The following MBNL3 variants were observed in gnomAD, a reference collection of about 807,000 sequenced individuals.
MBNL3 encodes muscleblind-like protein 3.
In MBNL3, 6 loss-of-function variants were observed where a neutral mutation model predicts 24.5. The observed-to-expected ratio is 0.25, with a 90% CI of 0.13 to 0.48. MBNL3 has a LOEUF of 0.48. Among genes scored for constraint, MBNL3 ranks in the 20% least tolerant of loss-of-function variants. The probability of loss-of-function intolerance (pLI) is 0.99; values close to 1 mark genes in which losing one functional copy is unlikely to be tolerated. For missense variants in MBNL3, 230 were observed against 293.5 expected (o/e 0.78, Z 1.58); for synonymous variants, 100 against 101.7 (o/e 0.98, Z 0.10).
chrX:132,410,224 G>T (rs1235576015), intron 2 of MBNL3, among the ~76,000 whole-genome samples: 1 of 112,055 alleles, frequency 8.9e-6, no homozygotes, highest in Admixed American at 9.4e-5. Context: ...AACTAAGAGA[G>T]AAAAGTCTCA....
chrX:132,454,248 TACAC>T (rs757255246), intron 1 of MBNL3, among the ~76,000 whole-genome samples: 61 of 107,998 alleles, frequency 5.6e-4, no homozygotes, highest in African/African-American at 2.0e-3. Flanking sequence ...CACACACACA[TACAC>T]ACACACACAC....
chrX:132,379,692 A>AAAAG lies in MBNL3; in HGVS notation c.1054-19_1054-16dup, dbSNP rs771416099. 5.2e-6 allele frequency: 6 copies of AAAAG among 1,145,384 alleles called. No individual in the cohort carries two copies. The highest frequency in any genetic ancestry group is 3.7e-5 in the South Asian group (2 of 54,264). The allele number at this position is 1,145,384 out of a possible 1,213,427, so 94.4% of individuals were successfully genotyped here. A position where few individuals can be genotyped will look rare whatever the true frequency, so the allele number is the denominator to read the frequency against. On this transcript the variant is annotated splice_polypyrimidine_tract_variant and intron_variant, in intron 8 of 8. Transcript: ENST00000370853. ...CAGAATTTCAGCTGAAATGGAAAAA[A>AAAAG]AAAGAAAGAAAGAAAGAGTGAGAAA...
chrX:132,405,880 CAAAAA>C (rs58288015), intron 3 of MBNL3, among the ~76,000 whole-genome samples: 4,944 of 32,614 alleles, frequency 0.15, 127 homozygotes, highest in African/African-American at 0.25. Flanking sequence ...TCTGTCTCAC[CAAAAA>C]AAAAAAAAAA....
chrX:132,421,663 A>C, intron 2 of MBNL3, among the ~76,000 whole-genome samples: 1 of 112,155 alleles, frequency 8.9e-6, no homozygotes, highest in Middle Eastern at 4.6e-3. Context: ...TACCATCACA[A>C]GCTTCTTTAA....
chrX:132,476,216 T>C (rs761539954), intron 1 of MBNL3, among the ~76,000 whole-genome samples: 136 of 111,745 alleles, frequency 1.2e-3, no homozygotes, highest in African/African-American at 4.2e-3. Context: ...TGTTTTTTTT[T>C]CAACATGATT....
At chrX:132,429,099 A>C (rs766792591) in intron 2 of MBNL3, among the ~76,000 whole-genome samples, 19 of 112,473 alleles carry the variant, frequency 1.7e-4, no homozygotes, top group African/African-American at 5.8e-4. Context: ...TTCTCACCAG[A>C]TGCCCAATTA....
intron 1 of MBNL3, among the ~76,000 whole-genome samples, chrX:132,470,779 G>A (rs186619403): frequency 1.8e-5 from 2 of 111,559 alleles, no homozygotes; most frequent in African/African-American, 6.5e-5. Context: ...CGCGTCTGGT[G>A]GTTCCAGATG....
At chrX:132,420,336 G>C (rs1569444741) in intron 2 of MBNL3, among the ~76,000 whole-genome samples, 1 of 111,492 alleles carries the variant, frequency 9.0e-6, no homozygotes, top group Admixed American at 9.4e-5. Context: ...AGTCAGCGGC[G>C]GGTCTGCGAC....
At chrX:132,423,692 C>T (rs1170049841) in intron 2 of MBNL3, among the ~76,000 whole-genome samples, 2 of 111,579 alleles carry the variant, frequency 1.8e-5, no homozygotes, top group African/African-American at 6.5e-5. Flanking sequence ...AAAAAGTAAA[C>T]GTCTAAGGAG....
intron 2 of MBNL3, among the ~76,000 whole-genome samples, chrX:132,413,053 C>A (rs184218080): frequency 2.0e-3 from 225 of 112,363 alleles, no homozygotes; most frequent in African/African-American, 6.8e-3. Context: ...CACAGAAAAT[C>A]ATATAACTTC....
rs750475698 is a variant in MBNL3 at position 132,384,731 on chromosome X, AAG to A, written c.923-35_923-34del. The A allele has an allele frequency of 1.2e-3, 1,296 of 1,092,516 alleles. 10 individuals carry two copies. The African/African-American group carries it at 0.021, about 18-fold the overall frequency. The allele number at this position is 1,092,516 out of a possible 1,213,427, so 90.0% of individuals were successfully genotyped here. Reference sequence around the variant, plus strand: ...CCACGCAGAAAAGCGTGGAAAGTAAAAGAGATATTTGATTATTAAGGATTTAC... The same window carrying A: ...CCACGCAGAAAAGCGTGGAAAGTAAAAGATATTTGATTATTAAGGATTTAC... On this transcript the variant is annotated intron_variant, in intron 6 of 8. Coordinates refer to ENST00000370853, the MANE Select transcript of MBNL3 (RefSeq NM_001386889.1).
At chrX:132,422,827 T>C (rs1304697523) in intron 2 of MBNL3, among the ~76,000 whole-genome samples, 1 of 111,827 alleles carries the variant, frequency 8.9e-6, no homozygotes, top group Non-Finnish European at 1.9e-5. Context: ...GGAGAGTTTC[T>C]TGAAACACAA....
At chrX:132,396,371 C>CATATATATTCATATATATATTCCT (rs1569423402) in intron 3 of MBNL3, among the ~76,000 whole-genome samples, 2 of 82,784 alleles carry the variant, frequency 2.4e-5, no homozygotes, top group Non-Finnish European at 4.5e-5. Flanking sequence ...TATATATATT[C>CATATATATTCATATATATATTCCT]ATATATATTC....
intron 3 of MBNL3, among the ~76,000 whole-genome samples, chrX:132,395,480 TGAAAA>T (rs1229484242): frequency 1.8e-5 from 2 of 112,020 alleles, no homozygotes; most frequent in Non-Finnish European, 3.8e-5. Context: ...ACTAAATACT[TGAAAA>T]GAGACGGCTG....
At chrX:132,472,702 T>C (rs1947243474) in intron 1 of MBNL3, among the ~76,000 whole-genome samples, 1 of 112,212 alleles carries the variant, frequency 8.9e-6, no homozygotes, top group Non-Finnish European at 1.9e-5. Context: ...GATAATGCAG[T>C]AAAGACTTTT....
At chrX:132,482,808 C>A (rs1341010992) in intron 1 of MBNL3, among the ~76,000 whole-genome samples, 1 of 112,380 alleles carries the variant, frequency 8.9e-6, no homozygotes, top group African/African-American at 3.2e-5. Flanking sequence ...CAATCTGAGT[C>A]TGGCCTTGAC....
At chrX:132,481,278 G>T (rs1390667141) in intron 1 of MBNL3, among the ~76,000 whole-genome samples, 6 of 112,188 alleles carry the variant, frequency 5.3e-5, no homozygotes, top group Non-Finnish European at 1.1e-4. Flanking sequence ...ATCTAGGCTT[G>T]AAAGTGAAAA....
chrX:132,413,451 C>A (rs1309945123), intron 2 of MBNL3: 1 of 1,115,837 alleles, frequency 9.0e-7, no homozygotes, highest in Non-Finnish European at 1.2e-6. Context: ...TCAATAAAGG[C>A]AAATCCTTGA....
At chrX:132,421,803 T>C (rs1943845024) in intron 2 of MBNL3, among the ~76,000 whole-genome samples, 1 of 111,546 alleles carries the variant, frequency 9.0e-6, no homozygotes, top group African/African-American at 3.3e-5. Flanking sequence ...TTGCCATGGG[T>C]ACTGTTATAT....
Sources: allele counts gnomAD v4.1 joint callset (sites outside exome capture counted in the v4.1 genomes callset), GRCh38; gene constraint gnomAD v4.1.1; transcripts MANE v1.5; gene names NCBI Gene and HGNC (gene_info 2026-07-23, HGNC 2026-07-21).